KCNK2: variants seen among roughly 807,000 people sequenced by gnomAD.
KCNK2 encodes potassium channel subfamily K member 2.
A neutral mutation model predicts 40.5 loss-of-function variants in KCNK2; 21 were observed. That is an observed-to-expected ratio of 0.52 (90% confidence interval 0.37 to 0.75). KCNK2 has a LOEUF of 0.75. Among genes scored for constraint, KCNK2 ranks in the 30% least tolerant of loss-of-function variants. The pLI is 0.00. For synonymous variants in KCNK2, 191 were observed against 202.2 expected, an observed-to-expected ratio of 0.94 and a Z score of 0.47; for missense variants, 399 against 531.6, an observed-to-expected ratio of 0.75 and a Z score of 2.45.
In KCNK2 at chr1:215,086,576, G is replaced by A. The variant is rs1659452970; in HGVS notation, c.255G>A (p.Gln85=). 18 of 1,614,118 alleles carry A rather than the reference G, an allele frequency of 1.1e-5. No homozygotes were observed. Among genetic ancestry groups the A allele is most frequent in the Non-Finnish European group, 1.4e-5 (16 of 1,179,972 alleles). Residue 85 remains glutamine (Q), a synonymous_variant, in exon 2 of 7, where the codon CAG becomes CAA. Coordinates refer to ENST00000444842, the MANE Select transcript of KCNK2 (RefSeq NM_001017425.3). ...CCACCGTGTTCAAAGCATTGGAGCA[G>A]CCTCATGAGATTTCACAGAGGACCA... ...IGATVFKALE[Q]PHEISQRTTI... is the part of the protein sequence containing the mutation.
intron 1 of KCNK2, among the ~76,000 whole-genome samples, chr1:215,048,412 G>C (rs1056103867): frequency 3.9e-5 from 6 of 152,146 alleles, no homozygotes; most frequent in Non-Finnish European, 7.4e-5. Context: ...AATGCTTAGT[G>C]ATTAAAGGGA....
At chr1:215,203,938 C>T (rs887144908) in intron 6 of KCNK2, among the ~76,000 whole-genome samples, 11 of 140,104 alleles carry the variant, frequency 7.9e-5, no homozygotes, top group Non-Finnish European at 1.5e-4. Flanking sequence ...CTCGGGAGGC[C>T]GAGGGAGGAG....
chr1:215,071,450 A>G (rs1179889468), intron 1 of KCNK2, among the ~76,000 whole-genome samples: 1 of 152,220 alleles, frequency 6.6e-6, no homozygotes, highest in Non-Finnish European at 1.5e-5. Context: ...CTGAATCAAC[A>G]TAAGAGCATT....
intron 1 of KCNK2, among the ~76,000 whole-genome samples, chr1:215,058,959 G>T (rs1571875802): frequency 6.6e-6 from 1 of 151,980 alleles, no homozygotes; most frequent in Non-Finnish European, 1.5e-5. Context: ...TTGAGTCACA[G>T]TCCACTATTT....
Position 215,027,683 on chromosome 1 carries a change from A to G in KCNK2, c.34+21728A>G, listed in dbSNP as rs538700568. Among the ~76,000 whole-genome samples the G allele has an allele frequency of 6.6e-5, 10 of 152,286 alleles. No individual in the cohort carries two copies. The South Asian group carries it at 1.9e-3, about 28-fold the overall frequency. On this transcript the variant is annotated intron_variant, in intron 1 of 6. Transcript: ENST00000391895. ...TCCTCCGTGTGATTGATCTATTTCA[A>G]TCATGTTGATACTTAATTTATGCTA...
chr1:215,195,400 C>A (rs1664824394), intron 6 of KCNK2, among the ~76,000 whole-genome samples: 1 of 150,828 alleles, frequency 6.6e-6, no homozygotes. Flanking sequence ...TTCTCAAGAG[C>A]ACAAAATAAA....
intron 6 of KCNK2, among the ~76,000 whole-genome samples, chr1:215,217,989 G>A (rs913196105): frequency 4.6e-5 from 7 of 152,136 alleles, no homozygotes; most frequent in Non-Finnish European, 8.8e-5. Context: ...CAGTAGCCAT[G>A]ATACAGTGCT....
intron 2 of KCNK2, among the ~76,000 whole-genome samples, chr1:215,123,374 A>C (rs1443554236): frequency 2.6e-5 from 4 of 151,796 alleles, no homozygotes; most frequent in Non-Finnish European, 5.9e-5. Context: ...ACTTTTTATT[A>C]TCTTCTTTAT....
chr1:215,096,786 A>G (rs186590100), intron 2 of KCNK2, among the ~76,000 whole-genome samples: 1 of 152,158 alleles, frequency 6.6e-6, no homozygotes, highest in East Asian at 1.9e-4. Context: ...TCCTTCTAGT[A>G]GAAAACTTCC....
At chr1:215,192,054 G>A (rs1434972214) in intron 5 of KCNK2, among the ~76,000 whole-genome samples, 1 of 152,106 alleles carries the variant, frequency 6.6e-6, no homozygotes, top group African/African-American at 2.4e-5. Flanking sequence ...TAAAAGTCAA[G>A]AAGTTTTTTA....
chr1:215,019,533 G>T (rs2102476839), intron 1 of KCNK2, among the ~76,000 whole-genome samples: 1 of 152,276 alleles, frequency 6.6e-6, no homozygotes, highest in African/African-American at 2.4e-5. Context: ...CAGTGTCTAT[G>T]CGCTCATGGT....
intron 3 of KCNK2, among the ~76,000 whole-genome samples, chr1:215,164,845 T>C (rs920994842): frequency 5.3e-5 from 8 of 152,154 alleles, no homozygotes; most frequent in African/African-American, 1.9e-4. Flanking sequence ...CACTGGATTG[T>C]CAACTTGAGA....
At chr1:215,209,404 TATGC>T (rs1467215313) in intron 6 of KCNK2, among the ~76,000 whole-genome samples, 3 of 54,878 alleles carry the variant, frequency 5.5e-5, no homozygotes, top group African/African-American at 7.8e-5. Flanking sequence ...ATATATAAAA[TATGC>T]ATATATTATA....
chr1:215,065,392 C>T (rs936575481), intron 1 of KCNK2, among the ~76,000 whole-genome samples: 1 of 128,634 alleles, frequency 7.8e-6, no homozygotes, highest in African/African-American at 3.1e-5. Flanking sequence ...TTTAGCCTTA[C>T]CCAAATATTC....
At chr1:215,112,456 T>G (rs2102564706) in intron 2 of KCNK2, among the ~76,000 whole-genome samples, 1 of 152,270 alleles carries the variant, frequency 6.6e-6, no homozygotes, top group Non-Finnish European at 1.5e-5. Context: ...AGTACAAAAG[T>G]CAAAAAATTA....
chr1:215,152,879 G>T (rs577472650), intron 3 of KCNK2, among the ~76,000 whole-genome samples: 1 of 151,954 alleles, frequency 6.6e-6, no homozygotes, highest in Non-Finnish European at 1.5e-5. Flanking sequence ...ATTCTAGAAG[G>T]GTCTATACCA....
intron 5 of KCNK2, 49 bp downstream of exon 5, chr1:215,172,232 G>C: frequency 6.7e-7 from 1 of 1,499,844 alleles, no homozygotes; most frequent in Non-Finnish European, 9.1e-7. Context: ...GGGTTTATTA[G>C]ATAGATTTTT....
At chr1:215,204,668 T>C (rs1665237280) in intron 6 of KCNK2, among the ~76,000 whole-genome samples, 1 of 152,014 alleles carries the variant, frequency 6.6e-6, no homozygotes, top group Admixed American at 6.6e-5. Flanking sequence ...AAAAATCTCA[T>C]TTTACAAAAA....
intron 1 of KCNK2, among the ~76,000 whole-genome samples, chr1:215,049,789 C>T (rs1344284495): frequency 6.6e-6 from 1 of 152,096 alleles, no homozygotes; most frequent in African/African-American, 2.4e-5. Flanking sequence ...GCTTTTACAT[C>T]TTTGTGAAAA....
Sources: gnomAD v4.1 joint callset for allele counts (sites outside exome capture counted in the v4.1 genomes callset) on GRCh38, gnomAD v4.1.1 for gene constraint, MANE v1.5 for transcripts, NCBI Gene and HGNC (gene_info 2026-07-23, HGNC 2026-07-21) for gene names.